The following POR variants were observed in gnomAD, a reference collection of about 807,000 sequenced individuals.
The protein encoded by POR is cytochrome p450 oxidoreductase.
POR carries 56 observed loss-of-function variants against 84.0 expected under a neutral mutation model. That is an observed-to-expected ratio of 0.67 (90% CI 0.54 to 0.83). POR has a LOEUF of 0.83. POR is among the 40% of genes least tolerant of loss of function. POR has a pLI of 0.00. For missense variants in POR, 938 were observed against 944.3 expected (o/e 0.99, Z 0.09); for synonymous variants, 414 against 400.5 (o/e 1.03, Z -0.40).
chr7:75,925,701 A>C (rs1334754186), intron 1 of POR, among the ~76,000 whole-genome samples: 2 of 152,198 alleles, frequency 1.3e-5, no homozygotes, highest in African/African-American at 4.8e-5. Context: ...AAGATGAAAG[A>C]TGATGTTGGC....
chr7:75,931,347 T>TTATG (rs1240581892), intron 1 of POR, among the ~76,000 whole-genome samples: 1 of 146,300 alleles, frequency 6.8e-6, no homozygotes, highest in Non-Finnish European at 1.5e-5. Flanking sequence ...TTTTATTTAT[T>TTATG]TATTTATTTA....
At position 75,984,974 on chromosome 7, in the gene POR, C is replaced by A; in HGVS notation, c.1248+16C>A. ...CGAGGGCAAGGTGCGCCCCCTCAGC[C>A]CCCGCAACCTCCGCCCCGTCACCCC... is the stretch of plus-strand genomic sequence containing the variant. On this transcript the variant is annotated intron_variant, in intron 11 of 15. Coordinates refer to ENST00000461988, the MANE Select transcript of POR (RefSeq NM_000941.3). The A allele has an allele frequency of 6.3e-7, 1 of 1,577,350 alleles. No homozygotes were observed. The highest frequency in any genetic ancestry group is 8.6e-7 in the Non-Finnish European group (1 of 1,160,424).
chr7:75,924,967 GGTTGTGA>G (rs1157207314), intron 1 of POR, among the ~76,000 whole-genome samples: 1 of 152,086 alleles, frequency 6.6e-6, no homozygotes, highest in Non-Finnish European at 1.5e-5. Context: ...AGCTCAACTG[GGTTGTGA>G]GTTTGTTGAA....
Position 75,983,766 on chromosome 7 carries a change from T to C in POR, c.976T>C (p.Tyr326His), listed in dbSNP as rs782419727. Residue 326 changes from tyrosine to histidine, a missense_variant, in exon 10 of 16, where the codon TAC becomes CAC. Physicochemically the swap from Tyr to His is moderately conservative, Grantham distance 83. Coordinates refer to ENST00000461988, the MANE Select transcript of POR (RefSeq NM_000941.3). ...TGAATCTGGGGACCACGTGGCTGTG[T>C]ACCCAGCCAACGACTCTGCTCTCGT... 1.3e-5 allele frequency: 21 copies of C among 1,612,338 alleles called. No individual in the cohort carries two copies. The highest frequency in any genetic ancestry group is 1.6e-4 in the Middle Eastern group (1 of 6,082).
chr7:75,949,551 A>G (rs1048274236), intron 1 of POR, among the ~76,000 whole-genome samples: 1 of 150,630 alleles, frequency 6.6e-6, no homozygotes, highest in Non-Finnish European at 1.5e-5. Flanking sequence ...GTTCTCCAGC[A>G]CTCCAGGCTG....
At chr7:75,924,629 C>T (rs1382735917) in intron 1 of POR, among the ~76,000 whole-genome samples, 1 of 152,088 alleles carries the variant, frequency 6.6e-6, no homozygotes, top group Non-Finnish European at 1.5e-5. Flanking sequence ...CACCTGAGCC[C>T]AGGGAGGTTG....
At chr7:75,942,032 A>C (rs1786943477) in intron 1 of POR, among the ~76,000 whole-genome samples, 1 of 152,022 alleles carries the variant, frequency 6.6e-6, no homozygotes, top group South Asian at 2.1e-4. Flanking sequence ...CAGCCTGGGC[A>C]ACATGGCTAA....
intron 1 of POR, among the ~76,000 whole-genome samples, chr7:75,930,249 C>T (rs1051804283): frequency 2.0e-5 from 3 of 152,098 alleles, no homozygotes; most frequent in African/African-American, 7.2e-5. Flanking sequence ...GTAGACTAGG[C>T]AGGCCTTTCT....
intron 2 of POR, among the ~76,000 whole-genome samples, chr7:75,965,898 A>G (rs1788158590): frequency 6.6e-6 from 1 of 152,024 alleles, no homozygotes; most frequent in South Asian, 2.1e-4. Flanking sequence ...GGGCTGTGAG[A>G]TGTGCTGCCT....
chr7:75,959,876 T>C (rs1038843266), intron 2 of POR, among the ~76,000 whole-genome samples: 5 of 152,198 alleles, frequency 3.3e-5, no homozygotes, highest in Admixed American at 3.3e-4. Flanking sequence ...ATGAACATTG[T>C]TTTATCCCTC....
chr7:75,983,716 C>G lies in POR; in HGVS notation c.948-22C>G, dbSNP rs782650331. The G allele has an allele frequency of 2.5e-6, 4 of 1,610,332 alleles. No individual in the cohort carries two copies. In the Admixed American group the frequency reaches 5.0e-5, roughly 20 times the overall value. The stretch of plus-strand genomic sequence containing the variant: ...GGCAGGGCCAGCCTTCCGCCCCTCC[C>G]GAGCCTCACATCTCCCTCCAGGTAT... On this transcript the variant is annotated intron_variant, in intron 9 of 15. Transcript: ENST00000461988.
chr7:75,948,601 G>A (rs1787281786), intron 1 of POR, among the ~76,000 whole-genome samples: 1 of 152,260 alleles, frequency 6.6e-6, no homozygotes, highest in Admixed American at 6.5e-5. Flanking sequence ...TGATGGAGTT[G>A]CAGTGTGGTT....
intron 3 of POR, among the ~76,000 whole-genome samples, chr7:75,975,099 G>A (rs1554556656): frequency 6.6e-6 from 1 of 151,868 alleles, no homozygotes; most frequent in African/African-American, 2.4e-5. Context: ...GTGACTTCTG[G>A]TCTTAGAGTC....
intron 1 of POR, among the ~76,000 whole-genome samples, chr7:75,953,319 G>A (rs1484098298): frequency 7.3e-6 from 1 of 137,808 alleles, no homozygotes; most frequent in Non-Finnish European, 1.5e-5. Context: ...GAAAGAGGGA[G>A]GGGGAGGGGG....
chr7:75,986,319 C>T lies in POR; in HGVS notation c.1899-18C>T. 6.2e-7 allele frequency: 1 copy of T among 1,612,516 alleles called. No homozygotes were observed. The highest frequency in any genetic ancestry group is 8.5e-7 in the Non-Finnish European group (1 of 1,179,782). Reference sequence around the variant, plus strand: ...GCCACAGTTGGCCCAGCCCCCAGCACCCCCTCTTCCTGCCCAGGGATGCAC... The same window carrying T: ...GCCACAGTTGGCCCAGCCCCCAGCATCCCCTCTTCCTGCCCAGGGATGCAC... On this transcript the variant is annotated intron_variant, in intron 15 of 15. Coordinates refer to ENST00000461988, the MANE Select transcript of POR (RefSeq NM_000941.3).
intron 1 of POR, among the ~76,000 whole-genome samples, chr7:75,953,126 G>A (rs556641067): frequency 6.6e-6 from 1 of 152,144 alleles, no homozygotes; most frequent in Non-Finnish European, 1.5e-5. Context: ...AGACCAGCCC[G>A]GCCAACACAG....
intron 1 of POR, among the ~76,000 whole-genome samples, chr7:75,926,898 A>G (rs1807158741): frequency 6.6e-6 from 1 of 152,142 alleles, no homozygotes; most frequent in Admixed American, 6.6e-5. Flanking sequence ...CACGAGACCA[A>G]TCCTGTGTCC....
At chr7:75,964,817 G>A (rs532506188) in intron 2 of POR, among the ~76,000 whole-genome samples, 11 of 152,200 alleles carry the variant, frequency 7.2e-5, no homozygotes, top group Admixed American at 7.2e-4. Flanking sequence ...TTGAAGCCAG[G>A]AGGTCAAGGC....
chr7:75,942,890 A>C (rs996788392), intron 1 of POR, among the ~76,000 whole-genome samples: 1 of 151,804 alleles, frequency 6.6e-6, no homozygotes, highest in African/African-American at 2.4e-5. Context: ...GCAAAAGCTA[A>C]TTTCCAAAGC....
Sources: gnomAD v4.1 joint callset for allele counts (sites outside exome capture counted in the v4.1 genomes callset) on GRCh38, gnomAD v4.1.1 for gene constraint, MANE v1.5 for transcripts, NCBI Gene and HGNC (gene_info 2026-07-23, HGNC 2026-07-21) for gene names.